Variants in ZDHHC20 observed in about 807,000 individuals in gnomAD.
ZDHHC20 encodes palmitoyltransferase ZDHHC20.
In ZDHHC20, 43 loss-of-function variants were observed where a neutral mutation model predicts 57.8. The ratio of observed to expected loss-of-function variants is 0.74; its 90% CI spans 0.58 to 0.96. The LOEUF (loss-of-function observed/expected upper bound fraction) is 0.96, where lower values mean the gene tolerates loss of function less well. ZDHHC20 is among the 40% of genes least tolerant of loss of function. ZDHHC20 has a pLI of 0.00. For missense variants in ZDHHC20, 391 were observed against 441.1 expected (o/e 0.89, Z 1.02); for synonymous variants, 157 against 153.0 (o/e 1.03, Z -0.19).
chr13:21,390,410 C>T (rs1249139338), intron 8 of ZDHHC20, among the ~76,000 whole-genome samples: 1 of 152,124 alleles, frequency 6.6e-6, no homozygotes, highest in Non-Finnish European at 1.5e-5. Flanking sequence ...CCTTACTTTT[C>T]CCCCTATATT....
At chr13:21,443,814 T>A (rs1883417411) in intron 1 of ZDHHC20, among the ~76,000 whole-genome samples, 1 of 152,254 alleles carries the variant, frequency 6.6e-6, no homozygotes, top group African/African-American at 2.4e-5. Flanking sequence ...AACACTCATT[T>A]TTCTAGAACT....
At chr13:21,403,455 C>T (rs931401298) in intron 4 of ZDHHC20, among the ~76,000 whole-genome samples, 2 of 152,106 alleles carry the variant, frequency 1.3e-5, no homozygotes, top group Admixed American at 1.3e-4. Flanking sequence ...GGAACACCTG[C>T]TAGGTGCCAG....
intron 7 of ZDHHC20, 28 bp from the exon 8 acceptor site, chr13:21,391,882 G>A: frequency 6.3e-7 from 1 of 1,594,710 alleles, no homozygotes; most frequent in African/African-American, 1.3e-5. Flanking sequence ...TTAATTTTGA[G>A]GTCAACCTCT....
Position 21,401,676 on chromosome 13 carries a change from A to G in ZDHHC20, c.450T>C (p.Leu150=). 6.5e-7 allele frequency: 1 copy of G among 1,528,584 alleles called. No homozygotes were observed. The highest frequency in any genetic ancestry group is 8.8e-7 in the Non-Finnish European group (1 of 1,140,414). The allele number at this position is 1,528,584 out of a possible 1,614,324, so 94.7% of individuals were successfully genotyped here. ...HHCSACDSCI[L]KMDHHCPWVN... ...ACCAAGGACAGTGATGATCCATCTT[A>G]AGAATACATCTAGGAAACAAACAAG... is the stretch of plus-strand genomic sequence containing the variant. The change falls in exon 6 of 13, where the codon CTT becomes CTC. Residue 150 remains leucine, a synonymous_variant. Transcript: ENST00000400590.
intron 1 of ZDHHC20, among the ~76,000 whole-genome samples, chr13:21,440,847 A>G (rs1173348254): frequency 1.3e-5 from 2 of 152,104 alleles, no homozygotes; most frequent in East Asian, 3.9e-4. Context: ...ATACTGTTCC[A>G]TTAGTCAATA....
chr13:21,389,395 C>G (rs1200495669), intron 8 of ZDHHC20, among the ~76,000 whole-genome samples: 1 of 152,122 alleles, frequency 6.6e-6, no homozygotes, highest in Non-Finnish European at 1.5e-5. Flanking sequence ...GAGTGACTTG[C>G]AACCCGCATT....
chr13:21,442,797 T>C (rs911409154), intron 1 of ZDHHC20, among the ~76,000 whole-genome samples: 2 of 152,198 alleles, frequency 1.3e-5, no homozygotes, highest in African/African-American at 2.4e-5. Flanking sequence ...TTTCTTTTAT[T>C]CAGCAGATAT....
At chr13:21,399,643 T>C (rs2137784989) in intron 7 of ZDHHC20, among the ~76,000 whole-genome samples, 1 of 152,270 alleles carries the variant, frequency 6.6e-6, no homozygotes, top group South Asian at 2.1e-4. Flanking sequence ...AAAGCATGTC[T>C]CCCTTCTAAG....
At chr13:21,417,095 A>AT (rs1353387324) in intron 3 of ZDHHC20, among the ~76,000 whole-genome samples, 2 of 152,178 alleles carry the variant, frequency 1.3e-5, no homozygotes, top group African/African-American at 4.8e-5. Context: ...AATAAACAAC[A>AT]AAGATTTTTC....
intron 7 of ZDHHC20, among the ~76,000 whole-genome samples, chr13:21,395,496 C>CTTTTTTT (rs201405874): frequency 3.3e-5 from 4 of 120,508 alleles, no homozygotes; most frequent in Non-Finnish European, 6.9e-5. Context: ...CTTTTCTTTT[C>CTTTTTTT]TTTTTTTTTT....
At chr13:21,449,394 G>A (rs1040239175) in intron 1 of ZDHHC20, among the ~76,000 whole-genome samples, 10 of 152,068 alleles carry the variant, frequency 6.6e-5, no homozygotes, top group South Asian at 2.1e-4. Context: ...ACACATTAGG[G>A]GTTCTGGCTT....
chr13:21,444,831 G>A (rs1384797273), intron 1 of ZDHHC20, among the ~76,000 whole-genome samples: 2 of 152,104 alleles, frequency 1.3e-5, no homozygotes, highest in Non-Finnish European at 1.5e-5. Flanking sequence ...TGAGGTGGGA[G>A]GACTGCTTGA....
intron 3 of ZDHHC20, among the ~76,000 whole-genome samples, chr13:21,419,427 T>C (rs1321201233): frequency 3.3e-5 from 5 of 152,226 alleles, no homozygotes; most frequent in African/African-American, 1.2e-4. Context: ...AGCAGCCCTA[T>C]TTGTAACAGC....
At chr13:21,423,592 TA>T (rs911563442) in intron 2 of ZDHHC20, among the ~76,000 whole-genome samples, 2 of 151,584 alleles carry the variant, frequency 1.3e-5, no homozygotes, top group African/African-American at 4.9e-5. Context: ...GAGGATCGCC[TA>T]AACCTGGGAG....
chr13:21,443,966 G>A (rs548420033), intron 1 of ZDHHC20, among the ~76,000 whole-genome samples: 1 of 152,256 alleles, frequency 6.6e-6, no homozygotes, highest in Non-Finnish European at 1.5e-5. Flanking sequence ...AGTCAGCCTG[G>A]CCAACATGGT....
chr13:21,457,260 A>G (rs956816391), intron 1 of ZDHHC20, among the ~76,000 whole-genome samples: 1 of 152,210 alleles, frequency 6.6e-6, no homozygotes, highest in Non-Finnish European at 1.5e-5. Context: ...ACATAAATGC[A>G]CATTTTTAGT....
intron 11 of ZDHHC20, among the ~76,000 whole-genome samples, chr13:21,381,173 A>AT (rs1187902756): frequency 6.6e-6 from 1 of 151,772 alleles, no homozygotes. Context: ...CGCCCGGCTA[A>AT]TTTTTTATAT....
chr13:21,413,293 A>AT (rs1004043113), intron 4 of ZDHHC20, among the ~76,000 whole-genome samples: 2 of 151,404 alleles, frequency 1.3e-5, no homozygotes, highest in Non-Finnish European at 1.5e-5. Flanking sequence ...ACACTTTTGG[A>AT]TTTTTTTTTA....
Position 21,374,971 on chromosome 13 carries a change from T to C in ZDHHC20, c.*1725A>G. On this transcript the variant is annotated 3_prime_UTR_variant, in exon 13 of 13. Coordinates refer to ENST00000400590, the MANE Select transcript of ZDHHC20 (RefSeq NM_001330059.2). ...CAACATGGTGAAACCTCGTCTCTTC[T>C]AAAAATGTGAAAATTAGCCGGGCAT... 3 of 366,596 alleles carry C rather than the reference T, an allele frequency of 8.2e-6. No individual in the cohort carries two copies. Among genetic ancestry groups the C allele is most frequent in the South Asian group, 2.1e-5 (1 of 48,266 alleles). 22.7% of individuals were successfully genotyped at this position (366,596 alleles called of 1,614,324 possible).
Sources: gnomAD v4.1 joint callset for allele counts (sites outside exome capture counted in the v4.1 genomes callset) on GRCh38, gnomAD v4.1.1 for gene constraint, MANE v1.5 for transcripts, NCBI Gene and HGNC (gene_info 2026-07-23, HGNC 2026-07-21) for gene names.